XYLT1: variants seen among roughly 807,000 people sequenced by gnomAD.
XYLT1 encodes beta-D-xylosyltransferase 1.
In XYLT1, 36 loss-of-function variants were observed where a neutral mutation model predicts 91.3. The ratio of observed to expected loss-of-function variants is 0.39; its 90% CI spans 0.30 to 0.52. XYLT1 has a LOEUF of 0.52. XYLT1 is among the 20% of genes least tolerant of loss of function. XYLT1 has a pLI of 0.68. For missense variants in XYLT1, 1,242 were observed against 1,284.5 expected (o/e 0.97, Z 0.51); for synonymous variants, 588 against 532.0 (o/e 1.11, Z -1.45).
intron 1 of XYLT1, among the ~76,000 whole-genome samples, chr16:17,358,379 C>G (rs2035333855): frequency 6.6e-6 from 1 of 152,076 alleles, no homozygotes; most frequent in Non-Finnish European, 1.5e-5. Flanking sequence ...CTCAATGATC[C>G]TCCCACTTCG....
chr16:17,289,471 T>C (rs533983343), intron 2 of XYLT1, among the ~76,000 whole-genome samples: 1 of 152,334 alleles, frequency 6.6e-6, no homozygotes, highest in African/African-American at 2.4e-5. Flanking sequence ...TCAAGGGGCT[T>C]TGTTTCCCCA....
intron 9 of XYLT1, among the ~76,000 whole-genome samples, chr16:17,130,470 TC>T (rs67947186): frequency 0.95 from 144,929 of 152,148 alleles, 69,082 homozygotes; most frequent in Middle Eastern, 0.98. Flanking sequence ...ATTACTTGCC[TC>T]CCTTCACCTT....
chr16:17,369,786 A>C (rs2035505180), intron 1 of XYLT1: 1 of 152,252 alleles, frequency 6.6e-6, no homozygotes, highest in Non-Finnish European at 1.5e-5. Flanking sequence ...GAACAGGAAG[A>C]GGTTCTTAGC....
intron 1 of XYLT1, 61 bp from the exon 2 acceptor site, chr16:17,358,111 G>C: frequency 1.5e-5 from 22 of 1,427,284 alleles, no homozygotes; most frequent in South Asian, 2.5e-5. Flanking sequence ...TACTACCCCA[G>C]CATCTTTTTC....
chr16:17,168,228 C>T (rs990993569), intron 5 of XYLT1, among the ~76,000 whole-genome samples: 31 of 152,262 alleles, frequency 2.0e-4, no homozygotes, highest in Non-Finnish European at 3.8e-4. Context: ...AAGGAAGATG[C>T]GGTACATACA....
chr16:17,129,041 CT>C (rs2030362861), intron 9 of XYLT1, among the ~76,000 whole-genome samples: 1 of 131,128 alleles, frequency 7.6e-6, no homozygotes, highest in Non-Finnish European at 1.6e-5. Context: ...AAATCATTGC[CT>C]TGTTACTGGG....
intron 2 of XYLT1, among the ~76,000 whole-genome samples, chr16:17,303,520 TGCCCCCGTGA>T (rs1349929455): frequency 6.6e-6 from 1 of 152,238 alleles, no homozygotes; most frequent in East Asian, 1.9e-4. Flanking sequence ...GACATGTTGA[TGCCCCCGTGA>T]GTCCCCAGTT....
intron 2 of XYLT1, among the ~76,000 whole-genome samples, chr16:17,290,559 C>T (rs1262505229): frequency 6.6e-6 from 1 of 152,230 alleles, no homozygotes; most frequent in African/African-American, 2.4e-5. Flanking sequence ...TCTTAGCTCC[C>T]CAAACTGTTG....
At chr16:17,294,400 C>T (rs2034280747) in intron 2 of XYLT1, among the ~76,000 whole-genome samples, 1 of 152,186 alleles carries the variant, frequency 6.6e-6, no homozygotes, top group South Asian at 2.1e-4. Context: ...CTCGAAAGTA[C>T]AAAATAAGCA....
Position 17,470,728 on chromosome 16 carries a change from C to G in XYLT1, c.69G>C (p.Thr23=), listed in dbSNP as rs756943847. 7.8e-6 allele frequency: 9 copies of G among 1,147,912 alleles called. No homozygotes were observed. The highest frequency in any genetic ancestry group is 6.5e-6 in the Non-Finnish European group (6 of 917,156). The allele number at this position is 1,147,912 out of a possible 1,614,324, so 71.1% of individuals were successfully genotyped here. The change falls in exon 1 of 12, where the codon ACG becomes ACC. Residue 23 remains threonine, a synonymous_variant. Transcript: ENST00000261381. ...CGACCAGCGTCTGCAGCAGCAGCAC[C>G]GTGAGCGCCGCGAGCAGCGCCGAGT... ...RSHSALLAAL[T]VLLLQTLVVW...
intron 11 of XYLT1, among the ~76,000 whole-genome samples, chr16:17,112,772 C>T (rs1033923151): frequency 1.3e-5 from 2 of 152,290 alleles, no homozygotes; most frequent in Admixed American, 6.5e-5. Context: ...AGGTCTCTGT[C>T]TTTCTGCTTG....
chr16:17,252,145 G>A (rs1487957647), intron 3 of XYLT1, among the ~76,000 whole-genome samples: 2 of 152,060 alleles, frequency 1.3e-5, no homozygotes, highest in Admixed American at 1.3e-4. Flanking sequence ...AAGTCATTGT[G>A]GTAATACTAA....
chr16:17,163,719 C>T, intron 5 of XYLT1, among the ~76,000 whole-genome samples: 1 of 152,124 alleles, frequency 6.6e-6, no homozygotes. Context: ...GTAAGTCCTC[C>T]TGGACTGCAA....
At chr16:17,433,887 G>A (rs10400929) in intron 1 of XYLT1, among the ~76,000 whole-genome samples, 8,549 of 151,862 alleles carry the variant, frequency 0.056, 334 homozygotes, top group African/African-American at 0.097. Context: ...CCCCACCCCC[G>A]CTTTTTTTTC....
chr16:17,315,786 C>T (rs1351526629), intron 2 of XYLT1, among the ~76,000 whole-genome samples: 1 of 151,794 alleles, frequency 6.6e-6, no homozygotes, highest in African/African-American at 2.4e-5. Flanking sequence ...TCAAGTCTGA[C>T]TCCAAGGCTA....
chr16:17,385,285 C>T (rs1027343044), intron 1 of XYLT1, among the ~76,000 whole-genome samples: 8 of 151,228 alleles, frequency 5.3e-5, no homozygotes, highest in African/African-American at 1.9e-4. Context: ...CACACACACA[C>T]ACACACACAC....
intron 1 of XYLT1, among the ~76,000 whole-genome samples, chr16:17,402,531 T>C (rs1362715602): frequency 1.3e-5 from 2 of 151,902 alleles, no homozygotes; most frequent in African/African-American, 2.4e-5. Flanking sequence ...GTGGAAAAAA[T>C]AGGATTCAAA....
At chr16:17,338,270 C>T (rs1215412367) in intron 2 of XYLT1, 2 of 456,534 alleles carry the variant, frequency 4.4e-6, no homozygotes, top group Non-Finnish European at 8.8e-6. Flanking sequence ...CCATGCTCTT[C>T]TGCTCCTCAA....
At chr16:17,347,130 G>A (rs1052022689) in intron 2 of XYLT1, among the ~76,000 whole-genome samples, 3 of 152,106 alleles carry the variant, frequency 2.0e-5, no homozygotes, top group Admixed American at 6.6e-5. Flanking sequence ...CAGAGGTGGC[G>A]GCATTTCTAA....
Sources: allele counts gnomAD v4.1 joint callset (sites outside exome capture counted in the v4.1 genomes callset), GRCh38; gene constraint gnomAD v4.1.1; transcripts MANE v1.5; gene names NCBI Gene and HGNC (gene_info 2026-07-23, HGNC 2026-07-21).